The following CDH4 variants were observed in gnomAD, a reference collection of about 807,000 sequenced individuals.
CDH4 encodes the protein cadherin-4.
In CDH4, 33 loss-of-function variants were observed where a neutral mutation model predicts 86.0. That is an observed-to-expected ratio of 0.38 (90% confidence interval 0.29 to 0.51). The LOEUF is 0.51. CDH4 is among the 20% of genes least tolerant of loss of function. CDH4 has a pLI of 0.86. For synonymous variants in CDH4, 555 were observed against 549.4 expected (o/e 1.01, Z -0.14); for missense variants, 1,114 against 1,307.4 (o/e 0.85, Z 2.28).
chr20:61,448,740 C>T (rs543758413), intron 2 of CDH4, among the ~76,000 whole-genome samples: 2 of 152,210 alleles, frequency 1.3e-5, no homozygotes, highest in South Asian at 2.1e-4. Context: ...CTCGCGTGCA[C>T]GTGCAGTTCT....
At chr20:61,833,072 A>C (rs1046827344) in intron 4 of CDH4, among the ~76,000 whole-genome samples, 1 of 152,110 alleles carries the variant, frequency 6.6e-6, no homozygotes. Context: ...GGTCACCCTC[A>C]TAATGGACTG....
intron 2 of CDH4, among the ~76,000 whole-genome samples, chr20:61,730,995 G>A (rs1450746082): frequency 1.3e-5 from 2 of 152,106 alleles, no homozygotes; most frequent in East Asian, 3.9e-4. Context: ...CCAGGGGAAG[G>A]AGCAGCTGAG....
intron 2 of CDH4, among the ~76,000 whole-genome samples, chr20:61,457,394 T>C (rs559218915): frequency 1.3e-5 from 2 of 152,296 alleles, no homozygotes; most frequent in Admixed American, 6.5e-5. Flanking sequence ...GTGAACAGGA[T>C]ATAGAGCCAC....
At chr20:61,301,187 C>G (rs2123204606) in intron 2 of CDH4, among the ~76,000 whole-genome samples, 1 of 152,308 alleles carries the variant, frequency 6.6e-6, no homozygotes, top group Admixed American at 6.5e-5. Context: ...TTGCCGTGGT[C>G]ACTAGAAAGT....
chr20:61,877,574 G>T (rs1316435807), intron 7 of CDH4, among the ~76,000 whole-genome samples: 1 of 152,172 alleles, frequency 6.6e-6, no homozygotes. Context: ...TCCGACGGGA[G>T]GCCCCGTCTG....
Position 61,625,024 on chromosome 20 carries a change from C to T in CDH4, c.170-118539C>T, listed in dbSNP as rs80212354. ...CAGACACATTGTAAGGCCCAGAACC[C>T]AAGTTGAGCAAGAGGGGCTTTTGTT... is the stretch of plus-strand genomic sequence containing the variant. On this transcript the variant is annotated intron_variant, in intron 2 of 15. Coordinates refer to ENST00000614565, the MANE Select transcript of CDH4 (RefSeq NM_001794.5). Among the ~76,000 whole-genome samples the T allele has an allele frequency of 7.9e-3, 1,201 of 152,290 alleles. 10 individuals carry two copies. Among genetic ancestry groups the T allele is most frequent in the Middle Eastern group, 0.027 (8 of 294 alleles).
intron 2 of CDH4, among the ~76,000 whole-genome samples, chr20:61,571,345 C>T (rs2086340273): frequency 6.6e-6 from 1 of 152,152 alleles, no homozygotes; most frequent in Non-Finnish European, 1.5e-5. Flanking sequence ...AAGGACTCGC[C>T]ATGAGCCGAA....
rs374825938 is a variant in CDH4 at position 61,363,174 on chromosome 20, G to C, written c.169+108237G>C. 7.2e-5 allele frequency among the ~76,000 whole-genome samples: 11 copies of C among 152,284 alleles called. No individual in the cohort carries two copies. In the South Asian group the frequency reaches 1.2e-3, roughly 17 times the overall value. ...GTTTGGAGGCTGAGCACTGGACCGA[G>C]GACCTGATGCACATGTGTGAGCTGG... On this transcript the variant is annotated intron_variant, in intron 2 of 15. Coordinates refer to ENST00000614565, the MANE Select transcript of CDH4 (RefSeq NM_001794.5).
At chr20:61,934,338 G>T in intron 15 of CDH4, 118 bp downstream of exon 15, 1 of 1,121,358 alleles carries the variant, frequency 8.9e-7, no homozygotes, top group African/African-American at 1.6e-5. Flanking sequence ...GTGGGAGGCA[G>T]CTCAGACCCG....
intron 2 of CDH4, among the ~76,000 whole-genome samples, chr20:61,567,744 G>T (rs2086310837): frequency 6.6e-6 from 1 of 152,212 alleles, no homozygotes; most frequent in Non-Finnish European, 1.5e-5. Context: ...CACTCTGGGA[G>T]ACTAAAACGG....
intron 2 of CDH4, among the ~76,000 whole-genome samples, chr20:61,557,002 G>T (rs538628518): frequency 6.6e-6 from 1 of 152,138 alleles, no homozygotes; most frequent in Non-Finnish European, 1.5e-5. Flanking sequence ...TTCTCTCTGG[G>T]GCTTTCCAAA....
At chr20:61,812,965 C>G (rs1980515077) in intron 4 of CDH4, among the ~76,000 whole-genome samples, 1 of 152,224 alleles carries the variant, frequency 6.6e-6, no homozygotes. Flanking sequence ...GGGGAAACTG[C>G]AAGTCCAGAC....
chr20:61,636,471 G>A (rs751738166), intron 2 of CDH4, among the ~76,000 whole-genome samples: 1 of 152,220 alleles, frequency 6.6e-6, no homozygotes, highest in Non-Finnish European at 1.5e-5. Flanking sequence ...TGAATAATTC[G>A]TTTTATCATT....
intron 2 of CDH4, among the ~76,000 whole-genome samples, chr20:61,659,434 GGGA>G (rs1234135445): frequency 6.6e-6 from 1 of 152,220 alleles, no homozygotes; most frequent in Non-Finnish European, 1.5e-5. Flanking sequence ...CCCCCACCTG[GGGA>G]GGGGTCTGCT....
intron 2 of CDH4, among the ~76,000 whole-genome samples, chr20:61,529,175 GTAAAC>G (rs1032968682): frequency 2.8e-4 from 42 of 152,282 alleles, no homozygotes; most frequent in African/African-American, 7.9e-4. Context: ...TTTTGATTGT[GTAAAC>G]TTCAGAAGTC....
At position 61,676,716 on chromosome 20, in the gene CDH4, C is replaced by T. The variant is rs1276123944; in HGVS notation, c.170-66847C>T. ...CCTATGGAAGTGACCAGATGATAAA[C>T]CTTGATGTAATACAAATGTAAATGA... On this transcript the variant is annotated intron_variant, in intron 2 of 15. Transcript: ENST00000614565. This position sits in a 1 kb window ranked among gnomAD's most constrained non-coding sequence, Gnocchi z 4.5. 6.6e-6 allele frequency among the ~76,000 whole-genome samples: 1 copy of T among 152,190 alleles called. No individual in the cohort carries two copies. Among genetic ancestry groups the T allele is most frequent in the African/African-American group, 2.4e-5 (1 of 41,440 alleles).
intron 2 of CDH4, among the ~76,000 whole-genome samples, chr20:61,624,534 C>T (rs895096598): frequency 7.2e-5 from 11 of 152,210 alleles, no homozygotes; most frequent in Admixed American, 6.5e-4. Context: ...AGGGTTGTGT[C>T]CACCAAATGG....
chr20:61,928,510 A>T, intron 12 of CDH4, 87 bp downstream of exon 12: 1 of 1,141,002 alleles, frequency 8.8e-7, no homozygotes, highest in East Asian at 2.4e-5. Context: ...AAGAGTGGGC[A>T]CCAGAGGTGG....
At chr20:61,917,218 C>T (rs1049560281) in intron 9 of CDH4, among the ~76,000 whole-genome samples, 14 of 152,334 alleles carry the variant, frequency 9.2e-5, no homozygotes, top group Non-Finnish European at 1.9e-4. Flanking sequence ...CAGGCTCTAC[C>T]TGAGGTGGGC....
Sources: gnomAD v4.1 joint callset for allele counts (sites outside exome capture counted in the v4.1 genomes callset) on GRCh38, gnomAD v4.1.1 for gene constraint, Gnocchi (gnomAD v3.1) non-coding constraint, MANE v1.5 for transcripts, NCBI Gene and HGNC (gene_info 2026-07-23, HGNC 2026-07-21) for gene names.